Variants in ENTPD1 observed in about 807,000 individuals in gnomAD.
ENTPD1 encodes ATP diphosphohydrolase.
A neutral mutation model predicts 57.0 loss-of-function variants in ENTPD1; 33 were observed. The observed-to-expected ratio is 0.58, with a 90% CI of 0.44 to 0.77. The LOEUF (loss-of-function observed/expected upper bound fraction) is 0.77. ENTPD1 is among the 30% of genes least tolerant of loss of function. The pLI is 0.00. For missense variants in ENTPD1, 501 were observed against 603.4 expected, an observed-to-expected ratio of 0.83 and a Z score of 1.78; for synonymous variants, 202 against 218.8, an observed-to-expected ratio of 0.92 and a Z score of 0.68.
At chr10:95,775,822 C>G in intron 1 of ENTPD1, among the ~76,000 whole-genome samples, 1 of 152,116 alleles carries the variant, frequency 6.6e-6, no homozygotes, top group Non-Finnish European at 1.5e-5. Context: ...TCTGGGTGCT[C>G]CTGTATTGGG....
At chr10:95,751,104 C>T (rs939530999), upstream of ENTPD1, among the ~76,000 whole-genome samples, 1 of 152,042 alleles carries the variant, frequency 6.6e-6, no homozygotes, top group Non-Finnish European at 1.5e-5. Flanking sequence ...GTGCAGGAAG[C>T]CTATAACAGG....
At chr10:95,854,110 G>A (rs1404024839) in intron 7 of ENTPD1, among the ~76,000 whole-genome samples, 1 of 152,076 alleles carries the variant, frequency 6.6e-6, no homozygotes, top group Non-Finnish European at 1.5e-5. Flanking sequence ...CAATTTCAGA[G>A]CCTGTTATTG....
At chr10:95,711,988 A>G in exon 1 of ENTPD1, 1 of 1,613,898 alleles carries the variant, frequency 6.2e-7, no homozygotes, top group Non-Finnish European at 8.5e-7. Context: ...ACAAGCCAGC[A>G]GAAGGGTAAG....
chr10:95,741,668 T>C (rs1163873127), intron 1 of ENTPD1, among the ~76,000 whole-genome samples: 1 of 152,056 alleles, frequency 6.6e-6, no homozygotes, highest in Non-Finnish European at 1.5e-5. Context: ...AAATCAGCAG[T>C]GTGAGGCATT....
intron 9 of ENTPD1, 118 bp from the exon 10 acceptor site, chr10:95,866,059 C>T: frequency 7.2e-7 from 1 of 1,394,036 alleles, no homozygotes; most frequent in Non-Finnish European, 9.9e-7. Context: ...GCCACTGTGC[C>T]CAGCCAGTGA....
chr10:95,794,056 T>C (rs1407843336), intron 1 of ENTPD1, among the ~76,000 whole-genome samples: 2 of 152,218 alleles, frequency 1.3e-5, no homozygotes, highest in African/African-American at 4.8e-5. Context: ...AAGTATACAG[T>C]ATTTTGTTTC....
chr10:95,783,942 T>C (rs1467486098), intron 1 of ENTPD1, among the ~76,000 whole-genome samples: 1 of 152,032 alleles, frequency 6.6e-6, no homozygotes, highest in Non-Finnish European at 1.5e-5. Context: ...GAATAGCAGG[T>C]GGCCTGGGAA....
Position 95,747,875 on chromosome 10 carries a change from A to AT in ENTPD1, c.37+35896dup, listed in dbSNP as rs111914871. Among the ~76,000 whole-genome samples, 731 of 144,638 alleles carry AT rather than the reference A, an allele frequency of 5.1e-3. 1 individual carries two copies. Among genetic ancestry groups the AT allele is most frequent in the Non-Finnish European group, 7.8e-3 (508 of 65,478 alleles). The allele number at this position is 144,638 out of a possible 152,430, so 94.9% of individuals were successfully genotyped here. A position where few individuals can be genotyped will look rare whatever the true frequency, so the allele number is the denominator to read the frequency against. On this transcript the variant is annotated intron_variant, in intron 1 of 9. Transcript: ENST00000453258. ...ATTACTTATATTTTTCTGGCAAATG[A>AT]TTTTTTTTTTTTTTGAAGTGGAGTC...
At position 95,866,259 on chromosome 10, in the gene ENTPD1, C is replaced by T. The variant is rs1187605989; in HGVS notation, c.1409C>T (p.Thr470Ile). ...ATCCCAGCTGAGCAACCATTGTCCA[C>T]ACCTCTCTCCCACTCCACCTATGTC... Reference protein sequence around the residue: ...NMIPAEQPLSTPLSHSTYVFL... With the variant: ...NMIPAEQPLSIPLSHSTYVFL... Residue 470 changes from threonine to isoleucine, a missense_variant, in exon 10 of 10, where the codon ACA becomes ATA. Coordinates refer to ENST00000371205, the MANE Select transcript of ENTPD1 (RefSeq NM_001776.6). 6.2e-6 allele frequency: 10 copies of T among 1,614,190 alleles called. No homozygotes were observed. Among genetic ancestry groups the T allele is most frequent in the Non-Finnish European group, 7.6e-6 (9 of 1,180,030 alleles).
intron 3 of ENTPD1, 51 bp downstream of exon 3, chr10:95,839,859 T>C: frequency 6.3e-7 from 1 of 1,575,842 alleles, no homozygotes; most frequent in Non-Finnish European, 8.7e-7. Flanking sequence ...CATGAGAACA[T>C]GAGAGGTGTA....
intron 1 of ENTPD1, among the ~76,000 whole-genome samples, chr10:95,784,297 A>G (rs2140210073): frequency 1.3e-5 from 2 of 152,256 alleles, no homozygotes; most frequent in South Asian, 4.1e-4. Context: ...CTGCTCACAA[A>G]TACAAGTTCC....
chr10:95,697,617 C>G, the ENTPD1 span, among the ~76,000 whole-genome samples: 2 of 152,114 alleles, frequency 1.3e-5, no homozygotes, highest in African/African-American at 4.8e-5. Context: ...AGAAGAGGAA[C>G]AGAGACCTGA....
intron 7 of ENTPD1, among the ~76,000 whole-genome samples, chr10:95,857,654 G>C (rs774292791): frequency 6.6e-6 from 1 of 152,226 alleles, no homozygotes; most frequent in Non-Finnish European, 1.5e-5. Context: ...AGATTTAACA[G>C]AGATTGTTGT....
chr10:95,799,677 G>A (rs1293533152), intron 1 of ENTPD1, among the ~76,000 whole-genome samples: 1 of 152,148 alleles, frequency 6.6e-6, no homozygotes, highest in Non-Finnish European at 1.5e-5. Context: ...TGGGTCAAAT[G>A]TTATTTCTGT....
intron 1 of ENTPD1, among the ~76,000 whole-genome samples, chr10:95,721,190 G>A (rs140411378): frequency 1.5e-3 from 230 of 152,206 alleles, no homozygotes; most frequent in Non-Finnish European, 2.2e-3. Context: ...TCCTTTCCCT[G>A]TGTTATAGTG....
intron 2 of ENTPD1, among the ~76,000 whole-genome samples, chr10:95,830,619 A>G (rs1308051184): frequency 6.6e-6 from 1 of 152,158 alleles, no homozygotes; most frequent in Admixed American, 6.5e-5. Context: ...CAGCCTGGCC[A>G]ACATGGTGAA....
rs547564896 is a variant in ENTPD1, at chr10:95,740,281, A to G, written c.37+28288A>G. ...GCTGGGACTACAGACACGTGCCACC[A>G]AGCCCTCCTAATTCTTCTGCATTTT... On this transcript the variant is annotated intron_variant, in intron 1 of 9. Transcript: ENST00000453258. 5.3e-5 allele frequency among the ~76,000 whole-genome samples: 8 copies of G among 152,258 alleles called. No individual in the cohort carries two copies. In the East Asian group the frequency reaches 1.5e-3, roughly 29 times the overall value.
intron 1 of ENTPD1, among the ~76,000 whole-genome samples, chr10:95,772,981 G>A (rs2098120450): frequency 6.6e-6 from 1 of 152,178 alleles, no homozygotes; most frequent in Non-Finnish European, 1.5e-5. Flanking sequence ...TCAAGATTGG[G>A]CATCTGGCGA....
At chr10:95,747,292 G>C (rs2098007056) in intron 1 of ENTPD1, among the ~76,000 whole-genome samples, 1 of 152,116 alleles carries the variant, frequency 6.6e-6, no homozygotes, top group African/African-American at 2.4e-5. Context: ...ACGTTATGAA[G>C]AACCTCTTCG....
Sources: allele counts gnomAD v4.1 joint callset (sites outside exome capture counted in the v4.1 genomes callset), GRCh38; gene constraint gnomAD v4.1.1; transcripts MANE v1.5; gene names NCBI Gene and HGNC (gene_info 2026-07-23, HGNC 2026-07-21).